EHMT1: variants seen among roughly 807,000 people sequenced by gnomAD.
The protein encoded by EHMT1 is histone-lysine N-methyltransferase EHMT1.
A neutral mutation model predicts 147.2 loss-of-function variants in EHMT1; 15 were observed. The ratio of observed to expected loss-of-function variants is 0.10; its 90% CI spans 0.07 to 0.16. The LOEUF is 0.16. Among genes scored for constraint, EHMT1 ranks in the 10% least tolerant of loss-of-function variants. EHMT1 has a pLI of 1.00. For synonymous variants in EHMT1, 795 were observed against 709.6 expected (o/e 1.12, Z -1.91); for missense variants, 1,587 against 1,772.4 (o/e 0.90, Z 1.88).
At chr9:137,811,348 A>C in intron 18 of EHMT1, 113 bp from the exon 19 acceptor site, 1 of 1,488,980 alleles carries the variant, frequency 6.7e-7, no homozygotes, top group Non-Finnish European at 9.2e-7. Context: ...GCGGACGGCC[A>C]CGCATGCTCC....
At chr9:137,683,503 C>T (rs1393683815) in intron 1 of EHMT1, among the ~76,000 whole-genome samples, 1 of 151,934 alleles carries the variant, frequency 6.6e-6, no homozygotes, top group Non-Finnish European at 1.5e-5. Flanking sequence ...AGTGCAGTGG[C>T]ACAATCATGG....
rs936308862 is a variant in EHMT1 at position 137,787,648 on chromosome 9, G to C, written c.2383-3200G>C. On this transcript the variant is annotated intron_variant, in intron 15 of 26. Transcript: ENST00000460843. This position sits in a 1 kb window ranked among gnomAD's most constrained non-coding sequence, Gnocchi z 4.2. Reference sequence around the variant, plus strand: ...GGGGGTGGAAGCGGGAGGGAGGAGGGGCCTGTCTTAAGAGCCTCACAGGCT... The same window carrying C: ...GGGGGTGGAAGCGGGAGGGAGGAGGCGCCTGTCTTAAGAGCCTCACAGGCT... 2 of 574,958 alleles carry C rather than the reference G, an allele frequency of 3.5e-6. No individual in the cohort carries two copies. The highest frequency in any genetic ancestry group is 6.2e-6 in the Non-Finnish European group (2 of 322,016). 35.6% of individuals were successfully genotyped at this position (574,958 alleles called of 1,614,324 possible).
intron 24 of EHMT1, 157 bp downstream of exon 24, chr9:137,817,682 G>C: frequency 1.1e-6 from 1 of 903,190 alleles, no homozygotes; most frequent in Non-Finnish European, 1.7e-6. Flanking sequence ...CGAGAACCAA[G>C]CTCGTGCTGT....
intron 1 of EHMT1, among the ~76,000 whole-genome samples, chr9:137,705,286 C>G (rs912655351): frequency 1.3e-5 from 2 of 152,202 alleles, no homozygotes; most frequent in African/African-American, 4.8e-5. Context: ...AGCCACTACA[C>G]CGGCCTGGGA....
In EHMT1 at chr9:137,800,921, C is replaced by T; in HGVS notation, c.2649C>T (p.Tyr883=). The T allele has an allele frequency of 6.2e-7, 1 of 1,614,150 alleles. No individual in the cohort carries two copies. The highest frequency in any genetic ancestry group is 2.2e-5 in the East Asian group (1 of 44,880). ...CACCCATGATCTGGGCCACAGAGTA[C>T]AAGCACGTGGACCTCGTGAAGCTGC... The part of the protein sequence containing the change: ...GWTPMIWATE[Y]KHVDLVKLLL... Residue 883 remains tyrosine, a synonymous_variant, in exon 18 of 27, where the codon TAC becomes TAT. Coordinates refer to ENST00000460843, the MANE Select transcript of EHMT1 (RefSeq NM_024757.5).
Position 137,815,993 on chromosome 9 carries a change from T to C in EHMT1, c.3305T>C (p.Ile1102Thr), listed in dbSNP as rs1406807984. 6.2e-7 allele frequency: 1 copy of C among 1,612,546 alleles called. No individual in the cohort carries two copies. Among genetic ancestry groups the C allele is most frequent in the African/African-American group, 1.3e-5 (1 of 74,876 alleles). Residue 1102 changes from isoleucine (I) to threonine (T), a missense_variant, in exon 23 of 27, where the codon ATC (isoleucine) becomes ACC (threonine). Ile to Thr is a moderately conservative substitution (Grantham distance 89, BLOSUM62 -1). This residue lies in a region of EHMT1 where 156 missense variants were observed against 252.5 expected (regional missense o/e 0.62). Transcript: ENST00000460843. The part of the protein sequence containing the change: ...PEFNMAEPPL[I>T]FECNHACSCW... ...TTCAACATGGCGGAGCCTCCCTTGATCTTCGAATGCAACCACGCGTGCTCC... is the reference window on the plus strand; with the variant it reads ...TTCAACATGGCGGAGCCTCCCTTGACCTTCGAATGCAACCACGCGTGCTCC...
chr9:137,797,957 C>T (rs1953102093), intron 16 of EHMT1, among the ~76,000 whole-genome samples: 1 of 152,222 alleles, frequency 6.6e-6, no homozygotes. Flanking sequence ...ACCGGCTCCC[C>T]TGCCTCTTCT....
intron 1 of EHMT1, among the ~76,000 whole-genome samples, chr9:137,661,481 T>C (rs1443701735): frequency 9.2e-5 from 14 of 151,384 alleles, no homozygotes; most frequent in Non-Finnish European, 1.3e-4. Flanking sequence ...GTAGTTTTTG[T>C]ACATCTTTTT....
intron 1 of EHMT1, among the ~76,000 whole-genome samples, chr9:137,683,986 G>GTA (rs1942205232): frequency 2.0e-5 from 3 of 151,842 alleles, no homozygotes; most frequent in Admixed American, 1.3e-4. Flanking sequence ...ATATTGCTTT[G>GTA]TATATATTTC....
intron 25 of EHMT1, among the ~76,000 whole-genome samples, chr9:137,833,544 C>A (rs1052202981): frequency 3.3e-5 from 5 of 152,244 alleles, no homozygotes; most frequent in Non-Finnish European, 7.3e-5. Flanking sequence ...CCCAGCAGCT[C>A]CAAGCCCTGG....
intron 6 of EHMT1, among the ~76,000 whole-genome samples, chr9:137,752,075 C>T (rs934009285): frequency 3.3e-5 from 5 of 152,230 alleles, no homozygotes; most frequent in South Asian, 2.1e-4. Flanking sequence ...TCTCTGGTCC[C>T]GATGTGGAGA....
chr9:137,639,075 T>C (rs1269636680), intron 1 of EHMT1, among the ~76,000 whole-genome samples: 1 of 152,242 alleles, frequency 6.6e-6, no homozygotes, highest in Non-Finnish European at 1.5e-5. Flanking sequence ...GTTCAGAATA[T>C]TTTCTATTTT....
chr9:137,796,741 A>ATTT (rs1952987895), intron 16 of EHMT1, among the ~76,000 whole-genome samples: 1 of 151,490 alleles, frequency 6.6e-6, no homozygotes, highest in African/African-American at 2.4e-5. Flanking sequence ...CACACAGAAA[A>ATTT]ATAGGCAAAG....
At chr9:137,802,339 C>T (rs1953563400) in intron 18 of EHMT1, 1 of 398,724 alleles carries the variant, frequency 2.5e-6, no homozygotes, top group Admixed American at 4.4e-5. Context: ...GTGTGTCCAC[C>T]TTCACAGAGG....
intron 1 of EHMT1, among the ~76,000 whole-genome samples, chr9:137,635,392 T>A (rs1843936071): frequency 6.6e-6 from 1 of 151,598 alleles, no homozygotes; most frequent in Non-Finnish European, 1.5e-5. Flanking sequence ...TTTTAATGTA[T>A]TTTTGGTAGA....
intron 15 of EHMT1, 78 bp from the exon 16 acceptor site, chr9:137,790,770 G>A (rs1952465357): frequency 1.2e-6 from 2 of 1,607,588 alleles, no homozygotes; most frequent in South Asian, 1.1e-5. Flanking sequence ...TTTGAGTGTG[G>A]AAGCTTGTAA....
chr9:137,687,945 A>C (rs906117184), intron 1 of EHMT1, among the ~76,000 whole-genome samples: 2 of 152,164 alleles, frequency 1.3e-5, no homozygotes, highest in African/African-American at 4.8e-5. Flanking sequence ...AACTTCTTTG[A>C]TTTCTTTCAA....
At chr9:137,700,961 G>A (rs1707963521) in intron 1 of EHMT1, among the ~76,000 whole-genome samples, 2 of 152,162 alleles carry the variant, frequency 1.3e-5, no homozygotes, top group African/African-American at 2.4e-5. Flanking sequence ...TGCTTCTGGG[G>A]AAGCCTCAAG....
chr9:137,762,814 C>G lies in EHMT1; in HGVS notation c.1641C>G (p.Asp547Glu). ...NNQCMATESVDHELGRCTNSV... is the reference protein window; with the variant it reads ...NNQCMATESVEHELGRCTNSV... ...AGTGCATGGCTACAGAGAGCGTGGA[C>G]CATGAAGTAAGCACGTTTGTTTTCA... The change falls in exon 10 of 27, where the codon GAC (aspartate) becomes GAG (glutamate). Residue 547 changes from aspartate (D) to glutamate (E), a missense_variant. Asp to Glu is a conservative substitution (Grantham distance 45). Transcript: ENST00000460843. 2 of 1,614,196 alleles carry G rather than the reference C, an allele frequency of 1.2e-6. No individual in the cohort carries two copies. The highest frequency in any genetic ancestry group is 1.7e-6 in the Non-Finnish European group (2 of 1,180,040).
Sources: gnomAD v4.1 joint callset for allele counts (sites outside exome capture counted in the v4.1 genomes callset) on GRCh38, gnomAD v4.1.1 for gene constraint, gnomAD v4.1.1 regional missense constraint, Gnocchi (gnomAD v3.1) non-coding constraint, MANE v1.5 for transcripts, NCBI Gene and HGNC (gene_info 2026-07-23, HGNC 2026-07-21) for gene names.